ZNF91: variants seen among roughly 807,000 people sequenced by gnomAD.
The protein encoded by ZNF91 is zinc finger protein 91 (HPF7, HTF10).
ZNF91 carries 7 observed loss-of-function variants against 12.6 expected under a neutral mutation model. The observed-to-expected ratio is 0.55, with a 90% CI of 0.31 to 1.04. The LOEUF is 1.04. Among genes scored for constraint, ZNF91 ranks in the 50% least tolerant of loss-of-function variants. The probability of loss-of-function intolerance (pLI) is 0.05; values close to 1 mark genes in which losing one functional copy is unlikely to be tolerated. For synonymous variants in ZNF91, 453 were observed against 462.6 expected (o/e 0.98, Z 0.27); for missense variants, 1,217 against 1,385.4 (o/e 0.88, Z 1.93).
chr19:23,369,829 C>T (rs923491137), intron 3 of ZNF91, among the ~76,000 whole-genome samples: 67 of 149,470 alleles, frequency 4.5e-4, no homozygotes, highest in Admixed American at 1.3e-3. Flanking sequence ...GAGTCATCAC[C>T]ACTCCCTAAT....
chr19:23,384,370 G>A (rs944524937), intron 1 of ZNF91, among the ~76,000 whole-genome samples: 3 of 152,112 alleles, frequency 2.0e-5, no homozygotes, highest in African/African-American at 7.2e-5. Flanking sequence ...GCAGGTCACC[G>A]CCCACCACGC....
chr19:23,371,504 C>T (rs1969277486), intron 3 of ZNF91, among the ~76,000 whole-genome samples: 1 of 152,086 alleles, frequency 6.6e-6, no homozygotes, highest in African/African-American at 2.4e-5. Flanking sequence ...CCCACACTGA[C>T]TTAAAGTATA....
At chr19:23,382,997 A>G (rs946501746) in intron 1 of ZNF91, among the ~76,000 whole-genome samples, 1 of 152,204 alleles carries the variant, frequency 6.6e-6, no homozygotes, top group African/African-American at 2.4e-5. Context: ...AACTCATTAT[A>G]TAAGAACAGC....
Position 23,385,301 on chromosome 19 carries a change from C to A in ZNF91, c.30+10024G>T, listed in dbSNP as rs1969838100. ...ACGGAAAAAAATAAGTAACAGGATGCGAACTTATTTCCTTTGGGGTAGAAG... is the reference window on the plus strand; with the variant it reads ...ACGGAAAAAAATAAGTAACAGGATGAGAACTTATTTCCTTTGGGGTAGAAG... On this transcript the variant is annotated intron_variant, in intron 1 of 3. Transcript: ENST00000300619. 14 of 465,828 alleles carry A rather than the reference C, an allele frequency of 3.0e-5. No individual in the cohort carries two copies. In the East Asian group the frequency reaches 3.6e-4, roughly 12 times the overall value. 28.9% of individuals were successfully genotyped at this position (465,828 alleles called of 1,614,324 possible).
downstream of ZNF91, among the ~76,000 whole-genome samples, chr19:23,335,667 G>A (rs190567904): frequency 8.3e-4 from 126 of 152,278 alleles, 4 homozygotes; most frequent in South Asian, 0.02. Flanking sequence ...TGCTAAGACC[G>A]TTGGAAAAGT....
At chr19:23,379,349 C>G (rs1409844297) in intron 1 of ZNF91, among the ~76,000 whole-genome samples, 3 of 152,142 alleles carry the variant, frequency 2.0e-5, no homozygotes, top group Non-Finnish European at 4.4e-5. Context: ...TATATTATGT[C>G]TGGTAATTCT....
At chr19:23,366,096 C>A (rs184073340) in intron 3 of ZNF91, among the ~76,000 whole-genome samples, 4 of 152,222 alleles carry the variant, frequency 2.6e-5, no homozygotes, top group Non-Finnish European at 5.9e-5. Flanking sequence ...ACCTCCCAGA[C>A]GGGGTGGTGG....
At chr19:23,346,863 T>C (rs1968244413) in intron 3 of ZNF91, among the ~76,000 whole-genome samples, 1 of 151,998 alleles carries the variant, frequency 6.6e-6, no homozygotes, top group Non-Finnish European at 1.5e-5. Flanking sequence ...GTTTCCTCTC[T>C]CCCCCACGGC....
At chr19:23,334,836 CAGA>C (rs1190466429), downstream of ZNF91, among the ~76,000 whole-genome samples, 1 of 152,040 alleles carries the variant, frequency 6.6e-6, no homozygotes, top group African/African-American at 2.4e-5. Flanking sequence ...GCAAAATAAG[CAGA>C]AGACCTTACT....
chr19:23,330,405 G>C (rs1483813728), intron 1 of ZNF91, among the ~76,000 whole-genome samples: 1 of 151,996 alleles, frequency 6.6e-6, no homozygotes, highest in African/African-American at 2.4e-5. Context: ...TGCTCATTTT[G>C]GGTAATGCTT....
At chr19:23,321,124 C>A (rs1394326845) in intron 1 of ZNF91, among the ~76,000 whole-genome samples, 1 of 152,164 alleles carries the variant, frequency 6.6e-6, no homozygotes, top group Non-Finnish European at 1.5e-5. Context: ...TTGATAATCT[C>A]ATCTGTGGAT....
intron 3 of ZNF91, among the ~76,000 whole-genome samples, chr19:23,344,663 G>A (rs1433820436): frequency 2.6e-5 from 4 of 152,038 alleles, no homozygotes; most frequent in African/African-American, 7.2e-5. Flanking sequence ...GAACCTAAAC[G>A]GTGCACTTTT....
chr19:23,394,265 T>C (rs923945728), intron 1 of ZNF91, among the ~76,000 whole-genome samples: 2 of 152,126 alleles, frequency 1.3e-5, no homozygotes, highest in African/African-American at 2.4e-5. Context: ...GGCAATTAGA[T>C]TGAGGTGGCT....
At chr19:23,335,558 G>A (rs539525701), downstream of ZNF91, among the ~76,000 whole-genome samples, 20 of 152,260 alleles carry the variant, frequency 1.3e-4, no homozygotes, top group African/African-American at 4.8e-4. Flanking sequence ...CTGCCACCTT[G>A]CAGTTTGATC....
chr19:23,328,861 G>A (rs962888758), intron 1 of ZNF91: 1 of 152,222 alleles, frequency 6.6e-6, no homozygotes, highest in Non-Finnish European at 1.5e-5. Context: ...TTATAGCTGG[G>A]TGGATGGTGG....
chr19:23,334,429 G>C (rs757682472), downstream of ZNF91, among the ~76,000 whole-genome samples: 1 of 152,142 alleles, frequency 6.6e-6, no homozygotes, highest in Non-Finnish European at 1.5e-5. Flanking sequence ...AAGACAATGT[G>C]TTCAGCAACG....
chr19:23,329,307 G>A (rs1820676), intron 1 of ZNF91, among the ~76,000 whole-genome samples: 4 of 152,120 alleles, frequency 2.6e-5, no homozygotes, highest in Non-Finnish European at 2.9e-5. Context: ...AAGAGACTTC[G>A]GGTAGGAAGC....
intron 1 of ZNF91, chr19:23,327,227 A>G (rs1032191482): frequency 1.3e-5 from 2 of 152,144 alleles, no homozygotes; most frequent in Non-Finnish European, 2.9e-5. Context: ...AATTGATTAT[A>G]TATCATATTT....
rs1968978971 is a variant in ZNF91 at position 23,365,735 on chromosome 19, C to T, written c.254-3010G>A. Reference sequence around the variant, plus strand: ...TGCGGCCTTCCGCAGTGTTTGTGTCCCTGGGTACTTGAGATTAGGGAGTAG... The same window carrying T: ...TGCGGCCTTCCGCAGTGTTTGTGTCTCTGGGTACTTGAGATTAGGGAGTAG... On this transcript the variant is annotated intron_variant, in intron 3 of 3. Transcript: ENST00000300619. Among the ~76,000 whole-genome samples, 5 of 151,958 alleles carry T rather than the reference C, an allele frequency of 3.3e-5. No individual in the cohort carries two copies. In the South Asian group the frequency reaches 1.0e-3, roughly 32 times the overall value.
Sources: gnomAD v4.1 joint callset for allele counts (sites outside exome capture counted in the v4.1 genomes callset) on GRCh38, gnomAD v4.1.1 for gene constraint, MANE v1.5 for transcripts, NCBI Gene and HGNC (gene_info 2026-07-23, HGNC 2026-07-21) for gene names.